The following DNAH14 variants were observed in gnomAD, a reference collection of about 807,000 sequenced individuals.
The protein encoded by DNAH14 is dynein axonemal heavy chain 14.
A neutral mutation model predicts 520.9 loss-of-function variants in DNAH14; 478 were observed. That is an observed-to-expected ratio of 0.92 (90% CI 0.85 to 0.99). DNAH14 has a LOEUF of 0.99. Among genes scored for constraint, DNAH14 ranks in the 50% least tolerant of loss-of-function variants. The pLI, the probability that DNAH14 is intolerant of heterozygous loss-of-function variation, is 0.00. For synonymous variants in DNAH14, 1,581 were observed against 1,757.2 expected (o/e 0.90, Z 2.51); for missense variants, 4,831 against 5,234.5 (o/e 0.92, Z 2.38).
intron 10 of DNAH14, 116 bp downstream of exon 10, chr1:225,007,660 G>GT: frequency 1.2e-6 from 1 of 809,228 alleles, no homozygotes; most frequent in South Asian, 2.4e-5. Flanking sequence ...AACAAAGGTG[G>GT]TTAATTAACC....
intron 21 of DNAH14, among the ~76,000 whole-genome samples, chr1:225,086,594 AC>A (rs2073834253): frequency 6.6e-6 from 1 of 152,120 alleles, no homozygotes; most frequent in South Asian, 2.1e-4. Flanking sequence ...AACCAAGGGA[AC>A]TCACATTATT....
chr1:225,358,726 T>C, intron 74 of DNAH14, 74 bp downstream of exon 74: 4 of 1,443,850 alleles, frequency 2.8e-6, no homozygotes, highest in South Asian at 2.7e-5. Flanking sequence ...TTACCTTGAA[T>C]TGTAATCCCC....
chr1:225,055,048 C>CTT (rs375011200), intron 17 of DNAH14, among the ~76,000 whole-genome samples: 1 of 147,728 alleles, frequency 6.8e-6, no homozygotes, highest in Admixed American at 6.8e-5. Context: ...TGACCTCCCT[C>CTT]TTTTTTTTTT....
At chr1:225,128,964 C>T (rs1341702056) in intron 27 of DNAH14, among the ~76,000 whole-genome samples, 2,794 of 152,008 alleles carry the variant, frequency 0.018, 33 homozygotes, top group Non-Finnish European at 0.026. Context: ...GCAACTTCAG[C>T]AAAGTCTCAG....
At position 225,207,086 on chromosome 1, in the gene DNAH14, A is replaced by G; in HGVS notation, c.6305A>G (p.Asp2102Gly). 6.4e-7 allele frequency: 1 copy of G among 1,551,134 alleles called. No individual in the cohort carries two copies. Among genetic ancestry groups the G allele is most frequent in the Non-Finnish European group, 8.7e-7 (1 of 1,146,668 alleles). ...LEFMIKNSVT[D>G]GLQFIRNRQK... The stretch of plus-strand genomic sequence containing the variant: ...TTCATGATTAAAAATAGTGTCACAG[A>G]CGGACTACAATTTATAAGGAATCGT... The change falls in exon 41 of 86, where the codon GAC becomes GGC. Residue 2102 changes from aspartate to glycine, a missense_variant. By Grantham distance (94) the Asp-to-Gly change is moderately conservative. Coordinates refer to ENST00000682510, the MANE Select transcript of DNAH14 (RefSeq NM_001367479.1).
rs1267296982 is a variant in DNAH14 at position 225,346,075 on chromosome 1, G to T, written c.10792G>T (p.Ala3598Ser). Residue 3598 changes from alanine (A) to serine (S), a missense_variant, in exon 70 of 86, where the codon GCA (alanine) becomes TCA (serine). Coordinates refer to ENST00000682510, the MANE Select transcript of DNAH14 (RefSeq NM_001367479.1). ...AAAAAAAGCTGAAAGTGAAATCCAA[G>T]CAATACGTAAAAACTATCTCCCCAT... The part of the protein sequence containing the change: ...ATKKAESEIQ[A>S]IRKNYLPIAT... The T allele has an allele frequency of 7.1e-6, 11 of 1,551,662 alleles. No individual in the cohort carries two copies. Among genetic ancestry groups the T allele is most frequent in the Non-Finnish European group, 9.6e-6 (11 of 1,146,962 alleles).
At chr1:225,043,614 T>G in intron 13 of DNAH14, 130 bp from the exon 14 acceptor site, 1 of 676,096 alleles carries the variant, frequency 1.5e-6, no homozygotes, top group Non-Finnish European at 2.5e-6. Flanking sequence ...TTCAGTATTG[T>G]GTTTCAAGTG....
intron 15 of DNAH14, among the ~76,000 whole-genome samples, chr1:225,048,440 G>A (rs761967118): frequency 4.6e-5 from 7 of 152,148 alleles, no homozygotes; most frequent in African/African-American, 1.7e-4. Context: ...AGGTCAAGGC[G>A]CAGTGAGCCA....
chr1:225,311,576 G>T (rs1179979106), intron 60 of DNAH14, among the ~76,000 whole-genome samples: 3 of 152,170 alleles, frequency 2.0e-5, no homozygotes, highest in African/African-American at 7.2e-5. Flanking sequence ...GGTTTTTATG[G>T]TTTGGGGTCT....
intron 54 of DNAH14, among the ~76,000 whole-genome samples, chr1:225,285,176 A>G (rs1307335614): frequency 6.6e-6 from 1 of 152,236 alleles, no homozygotes; most frequent in Non-Finnish European, 1.5e-5. Flanking sequence ...GATTGGAAAA[A>G]ATAAAGGGAG....
chr1:225,100,351 A>G lies in DNAH14; in HGVS notation c.3696-362A>G, dbSNP rs193168548. On this transcript the variant is annotated intron_variant, in intron 22 of 85. Coordinates refer to ENST00000682510, the MANE Select transcript of DNAH14 (RefSeq NM_001367479.1). ...CACAGATTAAATAACGTCTTCTCCA[A>G]GAAGCTCTTGACAGATCCCATTTCT... Among the ~76,000 whole-genome samples, 23 of 152,312 alleles carry G rather than the reference A, an allele frequency of 1.5e-4. No individual in the cohort carries two copies. In the East Asian group the frequency reaches 2.5e-3, roughly 17 times the overall value.
chr1:225,374,232 TA>T (rs71170081), intron 77 of DNAH14, among the ~76,000 whole-genome samples: 47,304 of 87,004 alleles, frequency 0.54, 13,707 homozygotes, highest in Middle Eastern at 0.76. Flanking sequence ...GAAATATATA[TA>T]ATATATATAT....
At chr1:225,161,150 C>G (rs2081475945) in intron 35 of DNAH14, among the ~76,000 whole-genome samples, 1 of 152,064 alleles carries the variant, frequency 6.6e-6, no homozygotes, top group Admixed American at 6.6e-5. Context: ...TTAACCATCC[C>G]CACTTTCCTC....
intron 36 of DNAH14, among the ~76,000 whole-genome samples, chr1:225,177,781 A>T (rs2083491130): frequency 6.6e-6 from 1 of 152,184 alleles, no homozygotes; most frequent in African/African-American, 2.4e-5. Context: ...AATTTACTGC[A>T]GTGGTGGAGC....
rs192818980 is a variant in DNAH14, at chr1:225,066,347, T to C, written c.2425-12860T>C. 1.3e-3 allele frequency among the ~76,000 whole-genome samples: 205 copies of C among 152,182 alleles called. 1 individual carries two copies. The highest frequency in any genetic ancestry group is 4.8e-3 in the African/African-American group (198 of 41,562). On this transcript the variant is annotated intron_variant, in intron 17 of 85. Transcript: ENST00000682510. ...GAAGATTTTTAGTTTGATGTAATCC[T>C]ATTCATCTCATTTTGCTTTTGTTGC...
At chr1:224,940,385 A>T (rs2059332534) in intron 1 of DNAH14, among the ~76,000 whole-genome samples, 1 of 152,206 alleles carries the variant, frequency 6.6e-6, no homozygotes, top group South Asian at 2.1e-4. Flanking sequence ...GTGGAGTAGC[A>T]TCCATGTATA....
At chr1:224,989,396 A>G (rs2062875549) in intron 8 of DNAH14, among the ~76,000 whole-genome samples, 1 of 152,162 alleles carries the variant, frequency 6.6e-6, no homozygotes, top group South Asian at 2.1e-4. Flanking sequence ...TAGAAACACA[A>G]TTGATTTTCA....
At chr1:225,289,825 T>C (rs758925019) in intron 54 of DNAH14, 60 bp from the exon 55 acceptor site, 14 of 1,158,328 alleles carry the variant, frequency 1.2e-5, no homozygotes, top group Non-Finnish European at 1.6e-5. Context: ...AACAGAAAAC[T>C]ATACGTTGAA....
intron 32 of DNAH14, 124 bp downstream of exon 32, chr1:225,152,197 C>A: frequency 1.3e-6 from 1 of 762,634 alleles, no homozygotes; most frequent in Non-Finnish European, 2.1e-6. Context: ...ATCCTCTGAA[C>A]ACTTCCACTC....
Sources: gnomAD v4.1 joint callset for allele counts (sites outside exome capture counted in the v4.1 genomes callset) on GRCh38, gnomAD v4.1.1 for gene constraint, MANE v1.5 for transcripts, NCBI Gene and HGNC (gene_info 2026-07-23, HGNC 2026-07-21) for gene names.